The following FGF14 variants were observed in gnomAD, a reference collection of about 807,000 sequenced individuals.
FGF14 encodes fibroblast growth factor homologous factor 4.
FGF14 carries 5 observed loss-of-function variants against 25.5 expected under a neutral mutation model. That is an observed-to-expected ratio of 0.20 (90% CI 0.10 to 0.41). FGF14 has a LOEUF of 0.41. FGF14 is among the 10% of genes least tolerant of loss of function. The pLI is 1.00. For missense variants in FGF14, 222 were observed against 320.1 expected (o/e 0.69, Z 2.34); for synonymous variants, 138 against 118.3 (o/e 1.17, Z -1.08).
At chr13:102,082,710 T>C (rs1201573066) in intron 1 of FGF14, among the ~76,000 whole-genome samples, 1 of 152,084 alleles carries the variant, frequency 6.6e-6, no homozygotes, top group Non-Finnish European at 1.5e-5. Context: ...ATCCCAGCAC[T>C]TTGGGAGGCC....
chr13:102,162,747 G>A (rs1165384791), intron 1 of FGF14, among the ~76,000 whole-genome samples: 1 of 152,142 alleles, frequency 6.6e-6, no homozygotes, highest in Non-Finnish European at 1.5e-5. Context: ...CTGTTTCTCT[G>A]GGCCTCTCCA....
intron 1 of FGF14, among the ~76,000 whole-genome samples, chr13:102,345,007 C>T (rs2057062357): frequency 6.6e-6 from 1 of 152,130 alleles, no homozygotes; most frequent in Non-Finnish European, 1.5e-5. Context: ...TCTCCTAAGA[C>T]AGGATGAGGA....
At position 101,714,564 on chromosome 13, in the gene FGF14, C is replaced by G. The variant is rs2034628702; in HGVS notation, c.*8267G>C. On this transcript the variant is annotated 3_prime_UTR_variant, in exon 5 of 5. Transcript: ENST00000376143. Reference sequence around the variant, plus strand: ...CTCATTTGTACAGGTGCAGTATTAACCTTTTCTAATTGCTCTATGCCACAG... The same window carrying G: ...CTCATTTGTACAGGTGCAGTATTAAGCTTTTCTAATTGCTCTATGCCACAG... 1 of 1,451,734 alleles carries G rather than the reference C, an allele frequency of 6.9e-7. No homozygotes were observed. The highest frequency in any genetic ancestry group is 1.4e-5 in the African/African-American group (1 of 71,602). The allele number at this position is 1,451,734 out of a possible 1,614,324, so 89.9% of individuals were successfully genotyped here. A position where few individuals can be genotyped will look rare whatever the true frequency, so the allele number is the denominator to read the frequency against.
At chr13:101,896,510 A>G (rs1261207173) in intron 1 of FGF14, among the ~76,000 whole-genome samples, 1 of 152,182 alleles carries the variant, frequency 6.6e-6, no homozygotes, top group Non-Finnish European at 1.5e-5. Flanking sequence ...CCAACTCCGC[A>G]ATGGAGAAAA....
chr13:101,788,889 TATATATATATATATATATATAG>T (rs2040020559), intron 3 of FGF14, among the ~76,000 whole-genome samples: 1 of 45,346 alleles, frequency 2.2e-5, no homozygotes, highest in Non-Finnish European at 4.7e-5. Flanking sequence ...TATATATATA[TATATATATATATATATATATAG>T]AGAGAGAGAG....
chr13:101,732,246 T>C lies in FGF14; in HGVS notation c.409-5436A>G, dbSNP rs537864797. 2.6e-5 allele frequency among the ~76,000 whole-genome samples: 4 copies of C among 152,298 alleles called. No individual in the cohort carries two copies. In the South Asian group the frequency reaches 6.2e-4, roughly 24 times the overall value. On this transcript the variant is annotated intron_variant, in intron 3 of 4. Coordinates refer to ENST00000376143, the MANE Select transcript of FGF14 (RefSeq NM_004115.4). ...ATGTCACCTTGGTGTTATCTAAGAC[T>C]AAATGAAAATTATGTTTTTGTTAAT...
At chr13:102,013,611 T>A (rs552929672) in intron 1 of FGF14, among the ~76,000 whole-genome samples, 1 of 152,300 alleles carries the variant, frequency 6.6e-6, no homozygotes, top group South Asian at 2.1e-4. Flanking sequence ...ACAGAATCCA[T>A]TGGCTGCACA....
rs372879439 is a variant in FGF14 at position 101,956,768 on chromosome 13, C to CAAAAAAAAAA, written c.209-81482_209-81473dup. ...TATCTTCAGATATTATTCACTTTAC[C>CAAAAAAAAAA]AAAAAAAAAAAAAAAGAAAAAGTAA... On this transcript the variant is annotated intron_variant, in intron 1 of 4. Coordinates refer to the FGF14 transcript ENST00000376131. 9.0e-5 allele frequency among the ~76,000 whole-genome samples: 11 copies of CAAAAAAAAAA among 122,570 alleles called. 1 individual carries two copies. Among genetic ancestry groups the CAAAAAAAAAA allele is most frequent in the South Asian group, 2.7e-4 (1 of 3,652 alleles). 80.4% of individuals were successfully genotyped at this position (122,570 alleles called of 152,430 possible). A position where few individuals can be genotyped will look rare whatever the true frequency, so the allele number is the denominator to read the frequency against.
At chr13:101,785,601 A>G (rs979965998) in intron 3 of FGF14, among the ~76,000 whole-genome samples, 1 of 152,044 alleles carries the variant, frequency 6.6e-6, no homozygotes, top group Non-Finnish European at 1.5e-5. Flanking sequence ...TCTGTCTATC[A>G]CCTATCTATC....
chr13:101,723,144 A>G, intron 4 of FGF14, 177 bp from the exon 5 acceptor site: 2 of 722,300 alleles, frequency 2.8e-6, no homozygotes, highest in Admixed American at 2.1e-5. Context: ...CCCACAGAGG[A>G]CATTACTCCC....
rs558297110 is a variant in FGF14, at chr13:102,215,467, T to C, written c.208+186004A>G. On this transcript the variant is annotated intron_variant, in intron 1 of 4. Transcript: ENST00000376131. ...AAATCTGACATATGTTTCAGGCAAA[T>C]TGGCTCAGAACTCAGAAAAGGTAAA... 5.3e-5 allele frequency among the ~76,000 whole-genome samples: 8 copies of C among 152,312 alleles called. No individual in the cohort carries two copies. The East Asian group carries it at 1.5e-3, about 29-fold the overall frequency.
intron 1 of FGF14, among the ~76,000 whole-genome samples, chr13:102,367,054 A>T (rs2057735357): frequency 6.6e-6 from 1 of 152,210 alleles, no homozygotes; most frequent in Non-Finnish European, 1.5e-5. Flanking sequence ...TTGTACTGTT[A>T]TCTATTACCA....
At chr13:102,376,783 G>C (rs979725075) in intron 1 of FGF14, among the ~76,000 whole-genome samples, 7 of 152,164 alleles carry the variant, frequency 4.6e-5, no homozygotes, top group African/African-American at 1.7e-4. Flanking sequence ...TTGACATTTT[G>C]AATCAGGTCA....
intron 1 of FGF14, among the ~76,000 whole-genome samples, chr13:102,216,702 A>G (rs2050387888): frequency 6.6e-6 from 1 of 152,058 alleles, no homozygotes; most frequent in African/African-American, 2.4e-5. Flanking sequence ...AACATACAAC[A>G]TATCATTGTT....
chr13:101,922,247 A>C (rs1015882666), intron 1 of FGF14, among the ~76,000 whole-genome samples: 1 of 152,222 alleles, frequency 6.6e-6, no homozygotes, highest in Admixed American at 6.5e-5. Flanking sequence ...CTCTTTAAGC[A>C]CCAAGACACC....
intron 1 of FGF14, among the ~76,000 whole-genome samples, chr13:102,155,838 T>A (rs9582558): frequency 0.028 from 4,271 of 151,890 alleles, 197 homozygotes; most frequent in African/African-American, 0.097. Flanking sequence ...TCACCACCGA[T>A]CCCACAGAAA....
In FGF14 at chr13:101,763,883, C is replaced by G. The variant is rs146343054; in HGVS notation, c.409-37073G>C. 1.6e-3 allele frequency among the ~76,000 whole-genome samples: 237 copies of G among 151,680 alleles called. 1 individual carries two copies. Among genetic ancestry groups the G allele is most frequent in the African/African-American group, 5.4e-3 (224 of 41,386 alleles). On this transcript the variant is annotated intron_variant, in intron 3 of 4. Coordinates refer to ENST00000376143, the MANE Select transcript of FGF14 (RefSeq NM_004115.4). ...CTCAAAAAACAAACAAACAAACAAA[C>G]AAAACTTAACCTCCCCAGAGCAGCA...
intron 3 of FGF14, among the ~76,000 whole-genome samples, chr13:101,765,246 G>C (rs2038300343): frequency 6.6e-6 from 1 of 152,100 alleles, no homozygotes; most frequent in South Asian, 2.1e-4. Context: ...GAGTTGACAA[G>C]CTAATGAAAA....
At chr13:102,357,047 G>A (rs2057437438) in intron 1 of FGF14, among the ~76,000 whole-genome samples, 1 of 151,162 alleles carries the variant, frequency 6.6e-6, no homozygotes, top group Non-Finnish European at 1.5e-5. Context: ...AGTGGTGGAG[G>A]AGCAGGGACT....
Sources: gnomAD v4.1 joint callset for allele counts (sites outside exome capture counted in the v4.1 genomes callset) on GRCh38, gnomAD v4.1.1 for gene constraint, MANE v1.5 for transcripts, NCBI Gene and HGNC (gene_info 2026-07-23, HGNC 2026-07-21) for gene names.